The following ROBO2 variants were observed in gnomAD, a reference collection of about 807,000 sequenced individuals.
ROBO2 encodes the protein roundabout guidance receptor 2, also known as roundabout homolog 2.
Under a neutral mutation model 160.8 loss-of-function variants are expected in ROBO2, and 53 were observed. The observed-to-expected ratio is 0.33, with a 90% CI of 0.26 to 0.41. The LOEUF is 0.41. Ranked by LOEUF, ROBO2 falls within the 10% of genes least tolerant of loss-of-function variation. The probability of loss-of-function intolerance (pLI) is 1.00; values close to 1 mark genes in which losing one functional copy is unlikely to be tolerated. For synonymous variants in ROBO2, 664 were observed against 611.7 expected (o/e 1.09, Z -1.26); for missense variants, 1,577 against 1,722.4 (o/e 0.92, Z 1.49).
At chr3:76,881,218 A>G (rs1414706842) in intron 2 of ROBO2, among the ~76,000 whole-genome samples, 2 of 152,196 alleles carry the variant, frequency 1.3e-5, no homozygotes, top group Non-Finnish European at 2.9e-5. Context: ...GGAGAATTAT[A>G]CAAGAGCTAA....
intron 2 of ROBO2, among the ~76,000 whole-genome samples, chr3:76,020,006 T>G (rs1009744293): frequency 1.7e-4 from 26 of 151,978 alleles, no homozygotes; most frequent in Non-Finnish European, 5.9e-5. Context: ...AAGCTCCATG[T>G]GTATCTGAGA....
At chr3:76,411,193 C>T (rs1236743021) in intron 2 of ROBO2, among the ~76,000 whole-genome samples, 1 of 151,994 alleles carries the variant, frequency 6.6e-6, no homozygotes, top group African/African-American at 2.4e-5. Context: ...TTATAGAATT[C>T]CGAATGACCA....
intron 2 of ROBO2, among the ~76,000 whole-genome samples, chr3:76,573,144 G>A (rs1454357833): frequency 6.6e-6 from 1 of 152,036 alleles, no homozygotes; most frequent in East Asian, 1.9e-4. Flanking sequence ...TTTGTGTAGC[G>A]AAAAGGGCAT....
At chr3:76,040,086 AATTTATAG>A (rs1193433700) in intron 2 of ROBO2, among the ~76,000 whole-genome samples, 1 of 152,000 alleles carries the variant, frequency 6.6e-6, no homozygotes, top group East Asian at 1.9e-4. Flanking sequence ...TTTGCTATTC[AATTTATAG>A]ATTTATAAGT....
intron 2 of ROBO2, among the ~76,000 whole-genome samples, chr3:76,330,289 T>C (rs2073383510): frequency 6.6e-6 from 1 of 152,208 alleles, no homozygotes; most frequent in Non-Finnish European, 1.5e-5. Context: ...GGCAGAAGGA[T>C]TAAATGGTAT....
At chr3:75,966,728 G>A (rs1241146879) in intron 2 of ROBO2, among the ~76,000 whole-genome samples, 1 of 151,608 alleles carries the variant, frequency 6.6e-6, no homozygotes, top group Non-Finnish European at 1.5e-5. Context: ...AAGTATTAGT[G>A]CCTATATTCT....
chr3:77,443,352 A>AT (rs957222811), intron 2 of ROBO2, among the ~76,000 whole-genome samples: 15 of 152,062 alleles, frequency 9.9e-5, no homozygotes, highest in South Asian at 8.3e-4. Context: ...CTTAACATGG[A>AT]TTTTTTTCTC....
chr3:77,631,697 G>T (rs933121188), intron 23 of ROBO2: 7 of 151,924 alleles, frequency 4.6e-5, no homozygotes, highest in Non-Finnish European at 7.4e-5. Flanking sequence ...CTCTTTAAAC[G>T]TAAAATTAAA....
intron 2 of ROBO2, among the ~76,000 whole-genome samples, chr3:76,725,041 C>G (rs947768547): frequency 3.3e-5 from 5 of 152,140 alleles, no homozygotes; most frequent in African/African-American, 1.2e-4. Context: ...CTGCTGACAA[C>G]TTGATGTCAG....
intron 2 of ROBO2, among the ~76,000 whole-genome samples, chr3:76,048,319 G>A (rs1374567770): frequency 2.6e-5 from 4 of 152,064 alleles, no homozygotes; most frequent in Non-Finnish European, 5.9e-5. Flanking sequence ...TACCATTTTA[G>A]ATAAACAAAA....
chr3:77,389,514 A>G (rs1427919859), intron 2 of ROBO2, among the ~76,000 whole-genome samples: 5 of 152,114 alleles, frequency 3.3e-5, no homozygotes, highest in Admixed American at 2.0e-4. Flanking sequence ...TTAACCAGGA[A>G]AGTCAGCAGT....
intron 2 of ROBO2, among the ~76,000 whole-genome samples, chr3:76,626,786 G>T (rs1043325525): frequency 2.0e-5 from 3 of 151,832 alleles, no homozygotes; most frequent in Admixed American, 6.6e-5. Flanking sequence ...TCCGCCTCCC[G>T]GGTTCACGTC....
chr3:77,109,921 A>G (rs72887953), intron 2 of ROBO2, among the ~76,000 whole-genome samples: 16,623 of 152,250 alleles, frequency 0.11, 1,510 homozygotes, highest in African/African-American at 0.25. Flanking sequence ...AATTGTATAA[A>G]TACAATGATG....
At chr3:76,775,208 C>T (rs1283197982) in intron 2 of ROBO2, among the ~76,000 whole-genome samples, 1 of 150,646 alleles carries the variant, frequency 6.6e-6, no homozygotes, top group Non-Finnish European at 1.5e-5. Context: ...TTAACCCCTA[C>T]ATACAGGAAA....
chr3:76,414,048 A>C (rs9829627), intron 2 of ROBO2, among the ~76,000 whole-genome samples: 11,951 of 150,736 alleles, frequency 0.079, 1,400 homozygotes, highest in African/African-American at 0.26. Flanking sequence ...ATGAGGAAGA[A>C]GCAAAAGCAG....
At chr3:77,005,480 A>T (rs548363164) in intron 2 of ROBO2, among the ~76,000 whole-genome samples, 183 of 152,206 alleles carry the variant, frequency 1.2e-3, no homozygotes, top group Non-Finnish European at 2.2e-3. Context: ...GTTCTAATGC[A>T]CTAATTTCAT....
intron 2 of ROBO2, among the ~76,000 whole-genome samples, chr3:76,410,260 G>T (rs756636708): frequency 2.0e-5 from 3 of 151,924 alleles, no homozygotes; most frequent in Non-Finnish European, 4.4e-5. Flanking sequence ...TGTATTCTGT[G>T]ATTAATCAGA....
intron 2 of ROBO2, among the ~76,000 whole-genome samples, chr3:76,158,516 A>G (rs2072497279): frequency 6.6e-6 from 1 of 151,728 alleles, no homozygotes; most frequent in Non-Finnish European, 1.5e-5. Context: ...GTCCTCTTTG[A>G]GTCTATTTGA....
intron 2 of ROBO2, among the ~76,000 whole-genome samples, chr3:76,516,197 T>C (rs1218953791): frequency 6.6e-6 from 1 of 152,190 alleles, no homozygotes; most frequent in Admixed American, 6.6e-5. Flanking sequence ...GTATGTTTCA[T>C]GGTAGGAAAA....
Sources: allele counts gnomAD v4.1 joint callset (sites outside exome capture counted in the v4.1 genomes callset), GRCh38; gene constraint gnomAD v4.1.1; transcripts MANE v1.5; gene names NCBI Gene and HGNC (gene_info 2026-07-23, HGNC 2026-07-21).